RUNX1: variants seen among roughly 807,000 people sequenced by gnomAD.
The protein encoded by RUNX1 is runt-related transcription factor 1.
RUNX1 carries 19 observed loss-of-function variants against 42.8 expected under a neutral mutation model. The observed-to-expected ratio is 0.44, with a 90% CI of 0.31 to 0.65. The LOEUF is 0.65. RUNX1 is among the 30% of genes least tolerant of loss of function. RUNX1 has a pLI of 0.07. For missense variants in RUNX1, 528 were observed against 672.0 expected, an observed-to-expected ratio of 0.79 and a Z score of 2.37; for synonymous variants, 271 against 289.4, an observed-to-expected ratio of 0.94 and a Z score of 0.64.
chr21:34,893,068 C>T (rs2146455045), intron 2 of RUNX1, 105 bp from the exon 3 acceptor site: 2 of 717,312 alleles, frequency 2.8e-6, no homozygotes, highest in Non-Finnish European at 5.0e-6. Flanking sequence ...CACTTTTTAG[C>T]ACTGGAGATT....
chr21:34,978,185 G>GC (rs2058818018), intron 2 of RUNX1, among the ~76,000 whole-genome samples: 1 of 152,020 alleles, frequency 6.6e-6, no homozygotes, highest in Admixed American at 6.6e-5. Flanking sequence ...TGATCCGCCC[G>GC]CCTCGGCCTC....
rs112458604 is a variant in RUNX1, at chr21:34,993,481, G to A, written c.58+55361C>T. On this transcript the variant is annotated intron_variant, in intron 2 of 8. Transcript: ENST00000675419. ...AGCCAGAATAGAGTCAGAGGACAAT[G>A]TCTGTTTGTTTGTCCCTACACACAC... 4.0e-3 allele frequency among the ~76,000 whole-genome samples: 599 copies of A among 150,300 alleles called. 4 individuals are homozygous for A. The highest frequency in any genetic ancestry group is 0.014 in the African/African-American group (556 of 40,326).
intron 3 of RUNX1, among the ~76,000 whole-genome samples, chr21:34,890,244 A>G (rs1019450398): frequency 1.3e-5 from 2 of 151,806 alleles, no homozygotes; most frequent in Admixed American, 1.3e-4. Flanking sequence ...CGCCGCGCGC[A>G]GTCCCCGGAG....
intron 2 of RUNX1, among the ~76,000 whole-genome samples, chr21:34,963,925 G>A (rs1459862620): frequency 6.6e-6 from 1 of 152,208 alleles, no homozygotes; most frequent in Non-Finnish European, 1.5e-5. Context: ...TATATTCTAA[G>A]AGCCTGCATG....
chr21:34,877,207 ACTTT>A (rs1232410574), intron 5 of RUNX1, among the ~76,000 whole-genome samples: 1 of 152,088 alleles, frequency 6.6e-6, no homozygotes, highest in African/African-American at 2.4e-5. Flanking sequence ...GCCATGATAC[ACTTT>A]CTTGTCATTC....
At chr21:34,926,461 CAAA>C (rs1188609077) in intron 2 of RUNX1, among the ~76,000 whole-genome samples, 15 of 7,150 alleles carry the variant, frequency 2.1e-3, no homozygotes, top group African/African-American at 4.3e-3. Flanking sequence ...GACCCAGTCT[CAAA>C]AAAAAAAAAA....
At chr21:34,947,909 T>C (rs571788294) in intron 2 of RUNX1, among the ~76,000 whole-genome samples, 4 of 152,256 alleles carry the variant, frequency 2.6e-5, no homozygotes, top group African/African-American at 9.6e-5. Context: ...GAGGAAGTAT[T>C]TGCAGGCCTC....
At chr21:34,794,653 C>G (rs2056499876) in intron 8 of RUNX1, among the ~76,000 whole-genome samples, 2 of 152,210 alleles carry the variant, frequency 1.3e-5, no homozygotes, top group Non-Finnish European at 2.9e-5. Flanking sequence ...CTGGCTCTCT[C>G]TGCATTTTTC....
intron 2 of RUNX1, among the ~76,000 whole-genome samples, chr21:34,960,555 C>T (rs546956922): frequency 6.6e-6 from 1 of 152,282 alleles, no homozygotes; most frequent in South Asian, 2.1e-4. Context: ...TAAATGTAAA[C>T]CAGTAAGCTG....
chr21:34,963,833 C>T lies in RUNX1; in HGVS notation c.59-70870G>A, dbSNP rs538422213. ...AGAGCAGATTCCTCCAGAAGGGAGG[C>T]TTTCGAGAGACCCACTGGGCCTGAC... On this transcript the variant is annotated intron_variant, in intron 2 of 8. Coordinates refer to ENST00000675419, the MANE Select transcript of RUNX1 (RefSeq NM_001754.5). Among the ~76,000 whole-genome samples, 32 of 152,340 alleles carry T rather than the reference C, an allele frequency of 2.1e-4. No homozygotes were observed. In the South Asian group the frequency reaches 6.6e-3, roughly 32 times the overall value.
intron 2 of RUNX1, among the ~76,000 whole-genome samples, chr21:35,034,911 A>G (rs921877238): frequency 6.6e-6 from 1 of 152,092 alleles, no homozygotes; most frequent in Non-Finnish European, 1.5e-5. Context: ...TGAGACCCCT[A>G]CTCAGCCTGA....
At chr21:34,996,496 G>A (rs1482148627) in intron 2 of RUNX1, among the ~76,000 whole-genome samples, 1 of 152,068 alleles carries the variant, frequency 6.6e-6, no homozygotes, top group Admixed American at 6.6e-5. Context: ...CTCAAACCCT[G>A]TTGATGTGTC....
chr21:34,815,838 G>A (rs1208740609), intron 7 of RUNX1, among the ~76,000 whole-genome samples: 4 of 152,160 alleles, frequency 2.6e-5, no homozygotes, highest in Non-Finnish European at 5.9e-5. Flanking sequence ...GAAGGAAGAT[G>A]AAAAGAAAGA....
In RUNX1 at chr21:34,791,131, G is replaced by A. The variant is rs878873342; in HGVS notation, c.*1004C>T. 1.3e-5 allele frequency: 3 copies of A among 233,442 alleles called. No homozygotes were observed. The highest frequency in any genetic ancestry group is 3.6e-4 in the South Asian group (2 of 5,530). The allele number at this position is 233,442 out of a possible 1,614,324, so 14.5% of individuals were successfully genotyped here. On this transcript the variant is annotated 3_prime_UTR_variant, in exon 9 of 9. Coordinates refer to ENST00000675419, the MANE Select transcript of RUNX1 (RefSeq NM_001754.5). ...AAAATCCTATTAAAAACGTTGCTGC[G>A]TGAGCTACTCACTTGTTTGATTAAC...
At chr21:35,031,942 A>C (rs912070518) in intron 2 of RUNX1, among the ~76,000 whole-genome samples, 5 of 152,266 alleles carry the variant, frequency 3.3e-5, no homozygotes. Flanking sequence ...TGAATGGAAC[A>C]AAGAATGAAC....
chr21:35,010,583 C>G (rs554190721), intron 2 of RUNX1, among the ~76,000 whole-genome samples: 4 of 151,740 alleles, frequency 2.6e-5, no homozygotes, highest in Admixed American at 2.6e-4. Flanking sequence ...AACAGGTAAA[C>G]ATAAAATATG....
chr21:34,839,286 TCAA>T (rs2057195186), intron 6 of RUNX1, among the ~76,000 whole-genome samples: 1 of 137,138 alleles, frequency 7.3e-6, no homozygotes, highest in African/African-American at 2.8e-5. Flanking sequence ...ACCTAGAAAT[TCAA>T]CACCCACGGA....
At chr21:34,885,626 C>T (rs1363914664) in intron 4 of RUNX1, among the ~76,000 whole-genome samples, 1 of 152,072 alleles carries the variant, frequency 6.6e-6, no homozygotes, top group Non-Finnish European at 1.5e-5. Context: ...TAAAAATAAC[C>T]GCAACAATAC....
At chr21:34,948,911 A>G (rs549408109) in intron 2 of RUNX1, among the ~76,000 whole-genome samples, 1 of 152,060 alleles carries the variant, frequency 6.6e-6, no homozygotes, top group African/African-American at 2.4e-5. Flanking sequence ...GTGCCCAGCT[A>G]CTTTTTGTGT....
Sources: gnomAD v4.1 joint callset for allele counts (sites outside exome capture counted in the v4.1 genomes callset) on GRCh38, gnomAD v4.1.1 for gene constraint, MANE v1.5 for transcripts, NCBI Gene and HGNC (gene_info 2026-07-23, HGNC 2026-07-21) for gene names.